Variants in APLF observed in about 807,000 individuals in gnomAD.
APLF encodes the protein aprataxin and PNK-like factor.
A neutral mutation model predicts 55.6 loss-of-function variants in APLF; 61 were observed. The observed-to-expected ratio is 1.10, with a 90% confidence interval of 0.89 to 1.36. APLF has a LOEUF of 1.36. Ranked by LOEUF, APLF falls within the 40% of genes most tolerant of loss-of-function variation. The probability of loss-of-function intolerance (pLI) is 0.00; values close to 1 mark genes in which losing one functional copy is unlikely to be tolerated. For synonymous variants in APLF, 207 were observed against 214.8 expected, an observed-to-expected ratio of 0.96 and a Z score of 0.32; for missense variants, 611 against 602.5, an observed-to-expected ratio of 1.01 and a Z score of -0.15.
chr2:68,513,754 A>G, intron 5 of APLF, 74 bp downstream of exon 5: 2 of 1,516,772 alleles, frequency 1.3e-6, no homozygotes, highest in Middle Eastern at 1.7e-4. Flanking sequence ...TCTGAAGAAA[A>G]ACTATAAACT....
intron 8 of APLF, 119 bp from the exon 9 acceptor site, chr2:68,567,222 A>G (rs776289799): frequency 1.9e-4 from 140 of 748,540 alleles, no homozygotes; most frequent in Non-Finnish European, 3.0e-4. Context: ...GCTTTTTCAT[A>G]AGAGGCCTAT....
intron 9 of APLF, among the ~76,000 whole-genome samples, chr2:68,568,579 A>G (rs1468677743): frequency 6.6e-6 from 1 of 152,098 alleles, no homozygotes; most frequent in Non-Finnish European, 1.5e-5. Context: ...AAATAATGTA[A>G]TTGTATTTGA....
rs372274023 is a variant in APLF, at chr2:68,516,403, A to G, written c.622+2723A>G. On this transcript the variant is annotated intron_variant, in intron 5 of 9. Transcript: ENST00000303795. ...GTCAGGCTTTTTCATTTTTCAGCCA[A>G]TACAGTTTATTATTATTATTATCAT... Among the ~76,000 whole-genome samples the G allele has an allele frequency of 2.6e-4, 39 of 151,482 alleles. 1 individual carries two copies. The highest frequency in any genetic ancestry group is 9.2e-4 in the African/African-American group (38 of 41,382).
intron 3 of APLF, among the ~76,000 whole-genome samples, chr2:68,510,445 T>C (rs1365767270): frequency 2.6e-5 from 4 of 151,800 alleles, no homozygotes; most frequent in Non-Finnish European, 5.9e-5. Context: ...ACATCACTAG[T>C]CACAGGGAAA....
At chr2:68,571,228 T>C (rs570079216) in intron 9 of APLF, among the ~76,000 whole-genome samples, 93 of 152,228 alleles carry the variant, frequency 6.1e-4, no homozygotes, top group Non-Finnish European at 9.7e-4. Context: ...CAAAAATTTT[T>C]TCCAATTCTG....
intron 2 of APLF, among the ~76,000 whole-genome samples, chr2:68,495,779 A>C (rs1676526782): frequency 6.6e-6 from 1 of 152,220 alleles, no homozygotes; most frequent in African/African-American, 2.4e-5. Context: ...GGCTGCCAAG[A>C]ATCCACCACT....
At chr2:68,574,180 C>A (rs1263347903) in intron 9 of APLF, among the ~76,000 whole-genome samples, 2 of 150,100 alleles carry the variant, frequency 1.3e-5, no homozygotes, top group Non-Finnish European at 1.5e-5. Context: ...AGAGTATTTT[C>A]CAGGTAAGTA....
intron 8 of APLF, chr2:68,563,001 C>T: frequency 1.0e-5 from 9 of 903,412 alleles, no homozygotes; most frequent in Non-Finnish European, 1.1e-5. Context: ...AATACCCCAA[C>T]AGCAAATTTT....
At chr2:68,533,684 C>A (rs1157020817) in intron 6 of APLF, among the ~76,000 whole-genome samples, 1 of 152,160 alleles carries the variant, frequency 6.6e-6, no homozygotes, top group African/African-American at 2.4e-5. Flanking sequence ...TGGCTGGGGG[C>A]TGGCTGGGCC....
intron 2 of APLF, among the ~76,000 whole-genome samples, chr2:68,491,431 G>C (rs934185856): frequency 6.6e-6 from 1 of 152,168 alleles, no homozygotes; most frequent in South Asian, 2.1e-4. Flanking sequence ...GAATGCATGA[G>C]TAAACGCTGT....
intron 1 of APLF, among the ~76,000 whole-genome samples, chr2:68,485,059 ATG>A (rs1676086309): frequency 6.6e-6 from 1 of 152,104 alleles, no homozygotes; most frequent in East Asian, 1.9e-4. Context: ...ATATGTCAAC[ATG>A]TGTCACCTAA....
chr2:68,477,858 C>G (rs1675826659), intron 1 of APLF, among the ~76,000 whole-genome samples: 1 of 152,110 alleles, frequency 6.6e-6, no homozygotes. Flanking sequence ...TCTCGTGAGA[C>G]TTATTTACTA....
At chr2:68,576,934 A>G (rs1047280876) in intron 9 of APLF, among the ~76,000 whole-genome samples, 7 of 152,178 alleles carry the variant, frequency 4.6e-5, no homozygotes, top group African/African-American at 1.7e-4. Context: ...ACACTGTCCT[A>G]GAGTCTTTCA....
chr2:68,475,215 C>T (rs1263020398), intron 1 of APLF, among the ~76,000 whole-genome samples: 1 of 152,204 alleles, frequency 6.6e-6, no homozygotes, highest in East Asian at 1.9e-4. Context: ...TTGCCTCTGT[C>T]ATCATATATT....
At chr2:68,492,114 T>TAGTTGG in intron 2 of APLF, among the ~76,000 whole-genome samples, 1 of 152,318 alleles carries the variant, frequency 6.6e-6, no homozygotes, top group South Asian at 2.1e-4. Flanking sequence ...TAAAGGTGCT[T>TAGTTGG]AGTTGGAGTT....
intron 1 of APLF, among the ~76,000 whole-genome samples, chr2:68,475,777 C>T (rs759033441): frequency 1.3e-4 from 20 of 152,014 alleles, no homozygotes; most frequent in Non-Finnish European, 2.8e-4. Context: ...TGACTGAGCT[C>T]TGGAATGCAT....
At chr2:68,500,682 A>T (rs1676692584) in intron 2 of APLF, among the ~76,000 whole-genome samples, 1 of 152,226 alleles carries the variant, frequency 6.6e-6, no homozygotes, top group African/African-American at 2.4e-5. Flanking sequence ...TTCAGAGTTC[A>T]GACCAAAGCT....
chr2:68,505,288 A>G (rs536253238), intron 3 of APLF, among the ~76,000 whole-genome samples: 1 of 152,108 alleles, frequency 6.6e-6, no homozygotes, highest in East Asian at 1.9e-4. Context: ...ACTTTTTTCA[A>G]AAATTAGGAA....
Position 68,488,967 on chromosome 2 carries a change from TATA to T in APLF, c.97-1215_97-1213del, listed in dbSNP as rs568342339. ...TGCACATGTACCCTAAAACTTAAAGTATAATAATAAAAAAAAAGGTACAATCTG... is the reference window on the plus strand; with the variant it reads ...TGCACATGTACCCTAAAACTTAAAGTATAATAAAAAAAAAGGTACAATCTG... On this transcript the variant is annotated intron_variant, in intron 1 of 9. Transcript: ENST00000303795. 3.3e-3 allele frequency among the ~76,000 whole-genome samples: 509 copies of T among 151,996 alleles called. 3 individuals carry two copies. Among genetic ancestry groups the T allele is most frequent in the African/African-American group, 0.012 (495 of 41,358 alleles).
Sources: allele counts gnomAD v4.1 joint callset (sites outside exome capture counted in the v4.1 genomes callset), GRCh38; gene constraint gnomAD v4.1.1; transcripts MANE v1.5; gene names NCBI Gene and HGNC (gene_info 2026-07-23, HGNC 2026-07-21).